AKAP19: variants seen among roughly 807,000 people sequenced by gnomAD.
AKAP19 encodes small A-kinase anchoring protein.
At chr2:189,949,166 T>C in the AKAP19 span, among the ~76,000 whole-genome samples, 1 of 152,214 alleles carries the variant, frequency 6.6e-6, no homozygotes, top group African/African-American at 2.4e-5. Context: ...CGGCCCTCAG[T>C]ATCTGCGGGT....
the AKAP19 span, among the ~76,000 whole-genome samples, chr2:190,073,371 T>G: frequency 2.0e-5 from 3 of 152,142 alleles, no homozygotes; most frequent in African/African-American, 4.8e-5. Context: ...GATATAAGCA[T>G]TTTTTACAAA....
chr2:190,081,078 G>A, the AKAP19 span, among the ~76,000 whole-genome samples: 1 of 152,164 alleles, frequency 6.6e-6, no homozygotes, highest in Non-Finnish European at 1.5e-5. Flanking sequence ...GATGGATACT[G>A]AGAGGGTCTG....
At chr2:190,079,543 G>C in the AKAP19 span, 1 of 152,246 alleles carries the variant, frequency 6.6e-6, no homozygotes, top group African/African-American at 2.4e-5. Context: ...GGGCGCAGTG[G>C]CTCACACCTG....
the AKAP19 span, among the ~76,000 whole-genome samples, chr2:190,104,720 G>A: frequency 1.2e-4 from 19 of 152,190 alleles, no homozygotes; most frequent in South Asian, 3.7e-3. Flanking sequence ...AACCTGGGAG[G>A]TTGAGGCTGA....
chr2:189,953,644 A>C, the AKAP19 span, among the ~76,000 whole-genome samples: 33 of 151,842 alleles, frequency 2.2e-4, no homozygotes, highest in African/African-American at 7.7e-4. Flanking sequence ...CAAAAAAAAA[A>C]AAAAAAAAAA....
At chr2:189,924,132 G>C in the AKAP19 span, 1 of 1,611,936 alleles carries the variant, frequency 6.2e-7, no homozygotes, top group Non-Finnish European at 8.5e-7. Context: ...GGGATGACCA[G>C]CTGGAGTTGA....
chr2:190,074,969 ATTTG>A, the AKAP19 span, among the ~76,000 whole-genome samples: 7 of 152,272 alleles, frequency 4.6e-5, no homozygotes, highest in Admixed American at 3.9e-4. Context: ...ATGTGCCAGA[ATTTG>A]TTTGAGGTTC....
At chr2:189,956,808 C>T in the AKAP19 span, among the ~76,000 whole-genome samples, 1 of 152,048 alleles carries the variant, frequency 6.6e-6, no homozygotes, top group African/African-American at 2.4e-5. Flanking sequence ...GTGGCAAACT[C>T]CTGACCTTAA....
chr2:190,158,366 A>G, the AKAP19 span, among the ~76,000 whole-genome samples: 1 of 152,196 alleles, frequency 6.6e-6, no homozygotes, highest in African/African-American at 2.4e-5. Flanking sequence ...TCTATATTTC[A>G]GTGTATGCAG....
chr2:189,896,695 C>T, the AKAP19 span, among the ~76,000 whole-genome samples: 1 of 151,940 alleles, frequency 6.6e-6, no homozygotes, highest in African/African-American at 2.4e-5. Context: ...GATTCAGTCT[C>T]TAATTAATTG....
At chr2:190,187,388 C>T in the AKAP19 span, among the ~76,000 whole-genome samples, 6 of 149,826 alleles carry the variant, frequency 4.0e-5, no homozygotes, top group East Asian at 3.9e-4. Flanking sequence ...TATTCGTTTA[C>T]ACAGCAGATT....
At chr2:190,185,646 G>C in the AKAP19 span, among the ~76,000 whole-genome samples, 1 of 152,196 alleles carries the variant, frequency 6.6e-6, no homozygotes, top group Non-Finnish European at 1.5e-5. Context: ...GCTTGTGTAT[G>C]TGTGTGGTTT....
chr2:189,940,027 C>T, the AKAP19 span, among the ~76,000 whole-genome samples: 5 of 151,688 alleles, frequency 3.3e-5, no homozygotes. Flanking sequence ...CGCCTGTAAT[C>T]CCAGCACTTT....
the AKAP19 span, among the ~76,000 whole-genome samples, chr2:189,949,626 TC>T: frequency 6.7e-6 from 1 of 148,278 alleles, no homozygotes; most frequent in Admixed American, 6.7e-5. Context: ...ACCTACTTTT[TC>T]TTTCTTTTTT....
the AKAP19 span, among the ~76,000 whole-genome samples, chr2:190,137,552 C>T: frequency 6.6e-6 from 1 of 152,152 alleles, no homozygotes; most frequent in Non-Finnish European, 1.5e-5. Context: ...ATCTTTTTGT[C>T]CAGGAAATAG....
chr2:190,082,102 C>A, the AKAP19 span, among the ~76,000 whole-genome samples: 1 of 152,146 alleles, frequency 6.6e-6, no homozygotes, highest in Non-Finnish European at 1.5e-5. Context: ...GGTTTTTGTG[C>A]CCTCTACTTT....
At chr2:190,131,152 A>G in the AKAP19 span, among the ~76,000 whole-genome samples, 1 of 152,182 alleles carries the variant, frequency 6.6e-6, no homozygotes, top group African/African-American at 2.4e-5. Flanking sequence ...TGACACAGCG[A>G]TCCTAAATAT....
chr2:189,956,415 C>T, the AKAP19 span, among the ~76,000 whole-genome samples: 9 of 151,586 alleles, frequency 5.9e-5, no homozygotes, highest in African/African-American at 1.7e-4. Context: ...GTGATCCGCC[C>T]GCCTCGGCCT....
At chr2:190,007,869 C>T in the AKAP19 span, among the ~76,000 whole-genome samples, 1 of 151,878 alleles carries the variant, frequency 6.6e-6, no homozygotes, top group Non-Finnish European at 1.5e-5. Context: ...GGCTGAGGCA[C>T]AAGAATCGCT....
Sources: allele counts gnomAD v4.1 joint callset (sites outside exome capture counted in the v4.1 genomes callset), GRCh38; gene constraint gnomAD v4.1.1; transcripts MANE v1.5; gene names NCBI Gene and HGNC (gene_info 2026-07-23, HGNC 2026-07-21).